RBFOX3: variants seen among roughly 807,000 people sequenced by gnomAD.
The protein encoded by RBFOX3 is RNA binding fox-1 homolog 3.
Under a neutral mutation model 48.7 loss-of-function variants are expected in RBFOX3, and 17 were observed. That is an observed-to-expected ratio of 0.35 (90% CI 0.24 to 0.52). The LOEUF is 0.52. Among genes scored for constraint, RBFOX3 ranks in the 20% least tolerant of loss-of-function variants. The probability of loss-of-function intolerance (pLI) is 0.94; values close to 1 mark genes in which losing one functional copy is unlikely to be tolerated. For synonymous variants in RBFOX3, 212 were observed against 209.5 expected (o/e 1.01, Z -0.10); for missense variants, 382 against 497.5 (o/e 0.77, Z 2.21).
At chr17:79,641,262 A>C in the RBFOX3 span, among the ~76,000 whole-genome samples, 1 of 152,184 alleles carries the variant, frequency 6.6e-6, no homozygotes, top group Non-Finnish European at 1.5e-5. Context: ...ATTCCCTCAC[A>C]CTTGTTAGGA....
intron 3 of RBFOX3, among the ~76,000 whole-genome samples, chr17:79,265,938 C>T (rs1411200521): frequency 6.6e-6 from 1 of 152,210 alleles, no homozygotes; most frequent in African/African-American, 2.4e-5. Context: ...GCACAGCATC[C>T]AGACTGCTTA....
chr17:79,186,499 A>G (rs2053433166), intron 4 of RBFOX3, among the ~76,000 whole-genome samples: 1 of 152,082 alleles, frequency 6.6e-6, no homozygotes, highest in African/African-American at 2.4e-5. Context: ...AGCTTTTCAG[A>G]TTCTCCAGGC....
intron 10 of RBFOX3, 29 bp downstream of exon 10, chr17:79,097,663 T>TACCAAACCCC: frequency 7.2e-7 from 1 of 1,384,060 alleles, no homozygotes; most frequent in Non-Finnish European, 9.8e-7. Flanking sequence ...GCTGGTCTCA[T>TACCAAACCCC]CCCATCCCCG....
chr17:79,095,491 C>G lies in RBFOX3; in HGVS notation c.998+22G>C, dbSNP rs1599385620. 2.6e-6 allele frequency: 4 copies of G among 1,547,488 alleles called. No homozygotes were observed. The African/African-American group carries it at 4.1e-5, about 16-fold the overall frequency. ...ATCTTCTCCCCACCCTGCTCCAGAA[C>G]AGTGCTGGCCCCCGGCCTCACCTGT... On this transcript the variant is annotated intron_variant, in intron 13 of 14. Transcript: ENST00000693108.
chr17:79,243,906 A>G lies in RBFOX3; in HGVS notation c.-73-8101T>C, dbSNP rs1374385856. 1.3e-5 allele frequency among the ~76,000 whole-genome samples: 2 copies of G among 152,100 alleles called. No individual in the cohort carries two copies. Among genetic ancestry groups the G allele is most frequent in the Non-Finnish European group, 2.9e-5 (2 of 67,998 alleles). On this transcript the variant is annotated intron_variant, in intron 3 of 14. Transcript: ENST00000693108. The surrounding 1 kb of genome is among the most constrained non-coding windows in gnomAD (Gnocchi z 7.9). ...GGATGCAGAAATGGCCTGCGGTCCC[A>G]GAGGTAGGGGGCAGGTGGGAGGCCC...
intron 3 of RBFOX3, among the ~76,000 whole-genome samples, chr17:79,278,168 C>T (rs7221631): frequency 0.16 from 23,861 of 152,038 alleles, 2,020 homozygotes; most frequent in Middle Eastern, 0.3. Flanking sequence ...TGGGGGGCCT[C>T]GGGGGTCCAG....
intron 2 of RBFOX3, among the ~76,000 whole-genome samples, chr17:79,405,291 G>A (rs762837994): frequency 2.6e-5 from 4 of 152,022 alleles, no homozygotes; most frequent in Non-Finnish European, 4.4e-5. Context: ...ACCCTCCGCC[G>A]CCCGACAACC....
chr17:79,125,002 G>T (rs918397868), intron 4 of RBFOX3, among the ~76,000 whole-genome samples: 1 of 152,218 alleles, frequency 6.6e-6, no homozygotes, highest in African/African-American at 2.4e-5. Flanking sequence ...GCCTGGCGTG[G>T]TGATGGCTCT....
At chr17:79,306,692 G>T in intron 3 of RBFOX3, among the ~76,000 whole-genome samples, 1 of 152,146 alleles carries the variant, frequency 6.6e-6, no homozygotes, top group East Asian at 1.9e-4. Flanking sequence ...GAAGGTCCAG[G>T]GTGCCCTGCC....
At chr17:79,230,857 C>T (rs1422665604) in intron 4 of RBFOX3, among the ~76,000 whole-genome samples, 3 of 152,172 alleles carry the variant, frequency 2.0e-5, no homozygotes, top group African/African-American at 7.2e-5. Flanking sequence ...CGGGCAGTTA[C>T]TGCAGAGACA....
At chr17:79,256,334 TA>T (rs921620246) in intron 3 of RBFOX3, among the ~76,000 whole-genome samples, 9 of 151,202 alleles carry the variant, frequency 6.0e-5, no homozygotes, top group African/African-American at 1.9e-4. Context: ...ATATTAAAAT[TA>T]AAAAAAAATT....
At chr17:79,207,828 C>T (rs77338758) in intron 4 of RBFOX3, among the ~76,000 whole-genome samples, 4,119 of 152,330 alleles carry the variant, frequency 0.027, 138 homozygotes, top group East Asian at 0.18. Context: ...TTTCCCTCCC[C>T]TTCTCTCTTC....
At chr17:79,562,667 G>A (rs1219215625) in intron 1 of RBFOX3, among the ~76,000 whole-genome samples, 1 of 152,154 alleles carries the variant, frequency 6.6e-6, no homozygotes, top group Admixed American at 6.5e-5. Flanking sequence ...CTGCCGCTTC[G>A]GTGTCTGGGG....
chr17:79,580,241 TCTC>T (rs1273234649), intron 1 of RBFOX3, among the ~76,000 whole-genome samples: 8 of 129,688 alleles, frequency 6.2e-5, no homozygotes, highest in South Asian at 2.7e-4. Flanking sequence ...ATCATCTCCA[TCTC>T]CTCCTCCTCC....
intron 1 of RBFOX3, among the ~76,000 whole-genome samples, chr17:79,534,304 G>A (rs1204479431): frequency 6.6e-6 from 1 of 152,346 alleles, no homozygotes; most frequent in East Asian, 1.9e-4. Flanking sequence ...AACTCTCCCT[G>A]CAGGTGGGAA....
Position 79,132,398 on chromosome 17 carries a change from C to T in RBFOX3, c.-33-16650G>A, listed in dbSNP as rs376978438. ...GCGGCCTACAGCCCTATTCCATGCA[C>T]GTCCCTGCCGTGGTCTGAGGCTGTA... On this transcript the variant is annotated intron_variant, in intron 4 of 14. Transcript: ENST00000693108. 7.9e-5 allele frequency among the ~76,000 whole-genome samples: 12 copies of T among 152,226 alleles called. No individual in the cohort carries two copies. The South Asian group carries it at 1.0e-3, about 13-fold the overall frequency.
chr17:79,394,999 T>C (rs2061820085), intron 2 of RBFOX3, among the ~76,000 whole-genome samples: 1 of 152,138 alleles, frequency 6.6e-6, no homozygotes, highest in Non-Finnish European at 1.5e-5. Context: ...AGTGCAGCCT[T>C]CCAGAACAGC....
At chr17:79,655,238 G>A in the RBFOX3 span, among the ~76,000 whole-genome samples, 17 of 152,292 alleles carry the variant, frequency 1.1e-4, no homozygotes, top group African/African-American at 3.9e-4. Context: ...TAAGTCCGCA[G>A]GGGGAAAAAG....
intron 1 of RBFOX3, among the ~76,000 whole-genome samples, chr17:79,609,916 C>A (rs1312747129): frequency 6.6e-6 from 1 of 151,986 alleles, no homozygotes; most frequent in Non-Finnish European, 1.5e-5. Context: ...GCGAGCCCCA[C>A]CACCGCCCGG....
Sources: gnomAD v4.1 joint callset for allele counts (sites outside exome capture counted in the v4.1 genomes callset) on GRCh38, gnomAD v4.1.1 for gene constraint, Gnocchi (gnomAD v3.1) non-coding constraint, MANE v1.5 for transcripts, NCBI Gene and HGNC (gene_info 2026-07-23, HGNC 2026-07-21) for gene names.